The following PGM2 variants were observed in gnomAD, a reference collection of about 807,000 sequenced individuals.
PGM2 encodes the protein phosphopentomutase.
PGM2 carries 57 observed loss-of-function variants against 74.6 expected under a neutral mutation model. The observed-to-expected ratio is 0.76, with a 90% CI of 0.62 to 0.95. The LOEUF (loss-of-function observed/expected upper bound fraction) is 0.95, where lower values mean the gene tolerates loss of function less well. Ranked by LOEUF, PGM2 falls within the 40% of genes least tolerant of loss-of-function variation. The pLI, the probability that PGM2 is intolerant of heterozygous loss-of-function variation, is 0.00. For missense variants in PGM2, 706 were observed against 741.9 expected (o/e 0.95, Z 0.56); for synonymous variants, 273 against 260.7 (o/e 1.05, Z -0.46).
chr4:37,835,120 G>A (rs1725532749), intron 3 of PGM2, among the ~76,000 whole-genome samples: 1 of 152,142 alleles, frequency 6.6e-6, no homozygotes, highest in African/African-American at 2.4e-5. Context: ...TGTAGCTGAA[G>A]GCATATGATG....
intron 3 of PGM2, among the ~76,000 whole-genome samples, chr4:37,836,566 C>G (rs944385852): frequency 1.3e-5 from 2 of 152,184 alleles, no homozygotes; most frequent in African/African-American, 4.8e-5. Flanking sequence ...TGGCGATCTG[C>G]TCTTTGTGCC....
intron 12 of PGM2, among the ~76,000 whole-genome samples, chr4:37,850,653 T>A (rs925556232): frequency 6.6e-6 from 1 of 151,650 alleles, no homozygotes; most frequent in Non-Finnish European, 1.5e-5. Flanking sequence ...AATACAAAAA[T>A]TAGCTGGGCG....
intron 1 of PGM2, among the ~76,000 whole-genome samples, chr4:37,827,960 G>A (rs1368755383): frequency 6.6e-6 from 1 of 152,134 alleles, no homozygotes; most frequent in Non-Finnish European, 1.5e-5. Flanking sequence ...GTAGTGCCTG[G>A]CATAGGCATA....
chr4:37,852,188 C>T (rs1726061443), intron 12 of PGM2, among the ~76,000 whole-genome samples: 1 of 145,950 alleles, frequency 6.9e-6, no homozygotes, highest in South Asian at 2.2e-4. Context: ...CTAGGTTTCC[C>T]AGGCAGGTCT....
Position 37,862,237 on chromosome 4 carries a change from G to A in PGM2, c.*625G>A, listed in dbSNP as rs1316399905. 1.3e-5 allele frequency: 2 copies of A among 152,018 alleles called. No individual in the cohort carries two copies. Among genetic ancestry groups the A allele is most frequent in the African/African-American group, 4.8e-5 (2 of 41,402 alleles). The allele number at this position is 152,018 out of a possible 1,614,324, so 9.4% of individuals were successfully genotyped here. ...ATATTAGTACATCGTACACGTGCTAGGAAAAAACAGCTTCAGTGTCTTTGT... is the reference window on the plus strand; with the variant it reads ...ATATTAGTACATCGTACACGTGCTAAGAAAAAACAGCTTCAGTGTCTTTGT... On this transcript the variant is annotated 3_prime_UTR_variant, in exon 14 of 14. Coordinates refer to ENST00000381967, the MANE Select transcript of PGM2 (RefSeq NM_018290.4).
intron 1 of PGM2, among the ~76,000 whole-genome samples, chr4:37,829,669 G>C (rs568244467): frequency 6.6e-6 from 1 of 152,274 alleles, no homozygotes; most frequent in African/African-American, 2.4e-5. Flanking sequence ...CAAGCACCTA[G>C]AGTTGGCAAG....
intron 2 of PGM2, among the ~76,000 whole-genome samples, chr4:37,832,467 G>A (rs1725464874): frequency 6.6e-6 from 1 of 152,126 alleles, no homozygotes; most frequent in Admixed American, 6.6e-5. Context: ...TCATTCTGAG[G>A]TACCCCAAAG....
chr4:37,850,087 C>A (rs1158661170), intron 11 of PGM2, 97 bp from the exon 12 acceptor site: 1 of 690,870 alleles, frequency 1.4e-6, no homozygotes, highest in Admixed American at 3.6e-5. Context: ...CACACCCAGC[C>A]ATATTTATTT....
chr4:37,843,208 T>G (rs919444465), intron 6 of PGM2, among the ~76,000 whole-genome samples: 3 of 152,248 alleles, frequency 2.0e-5, no homozygotes, highest in Non-Finnish European at 4.4e-5. Flanking sequence ...CTCTATTCTG[T>G]TCCTTTAATC....
chr4:37,852,133 CTTTTTTTTT>C (rs778968323), intron 12 of PGM2, among the ~76,000 whole-genome samples: 11 of 47,272 alleles, frequency 2.3e-4, no homozygotes, highest in African/African-American at 8.1e-4. Context: ...ATGCCCAGCT[CTTTTTTTTT>C]TTTTTTTTTT....
chr4:37,830,069 C>A lies in PGM2; in HGVS notation c.187C>A (p.Arg63=). The A allele has an allele frequency of 6.2e-7, 1 of 1,607,586 alleles. No homozygotes were observed. Among genetic ancestry groups the A allele is most frequent in the South Asian group, 1.1e-5 (1 of 90,190 alleles). The change falls in exon 2 of 14, where the codon CGA becomes AGA. Residue 63 remains arginine, a synonymous_variant. Coordinates refer to ENST00000381967, the MANE Select transcript of PGM2 (RefSeq NM_018290.4). ...ARMEFGTAGL[R]AAMGPGISRM... Reference sequence around the variant, plus strand: ...AATGGAGTTTGGGACAGCTGGCCTCCGAGCTGCTATGGGACCTGGAATTTC... The same window carrying A: ...AATGGAGTTTGGGACAGCTGGCCTCAGAGCTGCTATGGGACCTGGAATTTC...
chr4:37,831,814 A>G (rs1288739552), intron 2 of PGM2, among the ~76,000 whole-genome samples: 2 of 152,182 alleles, frequency 1.3e-5, no homozygotes, highest in Non-Finnish European at 1.5e-5. Flanking sequence ...GCACATAGAT[A>G]CCCACTTCTC....
chr4:37,831,192 C>CAAAAAAAAAAAAA lies in PGM2; in HGVS notation c.249+1070_249+1082dup, dbSNP rs11432971. ...TGGGCAACAGAGCAAGACTCTGTCTCAAAAAAAAAAAAAAAAAAAAAGAAT... is the reference window on the plus strand; with the variant it reads ...TGGGCAACAGAGCAAGACTCTGTCTCAAAAAAAAAAAAAAAAAAAAAAAAAAAAAAAAAAGAAT... On this transcript the variant is annotated intron_variant, in intron 2 of 13. Coordinates refer to ENST00000381967, the MANE Select transcript of PGM2 (RefSeq NM_018290.4). Among the ~76,000 whole-genome samples, 7 of 74,070 alleles carry CAAAAAAAAAAAAA rather than the reference C, an allele frequency of 9.5e-5. 1 individual carries two copies. Among genetic ancestry groups the CAAAAAAAAAAAAA allele is most frequent in the Non-Finnish European group, 1.7e-4 (7 of 40,986 alleles). The allele number at this position is 74,070 out of a possible 152,430, so 48.6% of individuals were successfully genotyped here. A position where few individuals can be genotyped will look rare whatever the true frequency, so the allele number is the denominator to read the frequency against.
Position 37,861,493 on chromosome 4 carries a change from T to TC in PGM2, c.1737-12dup. On this transcript the variant is annotated splice_polypyrimidine_tract_variant and intron_variant, in intron 13 of 13. Coordinates refer to ENST00000381967, the MANE Select transcript of PGM2 (RefSeq NM_018290.4). ...AATAATCCCTTGACCTGGATTTTTTTCCCCCTTATTTTCCAGTGATCCTGA... is the reference window on the plus strand; with the variant it reads ...AATAATCCCTTGACCTGGATTTTTTTCCCCCCTTATTTTCCAGTGATCCTGA... 2 of 1,553,654 alleles carry TC rather than the reference T, an allele frequency of 1.3e-6. No individual in the cohort carries two copies. Among genetic ancestry groups the TC allele is most frequent in the South Asian group, 1.1e-5 (1 of 89,760 alleles).
rs1249490278 is a variant in PGM2, at chr4:37,844,494, C to T, written c.850C>T (p.Pro284Ser). 6.2e-7 allele frequency: 1 copy of T among 1,613,836 alleles called. No individual in the cohort carries two copies. The highest frequency in any genetic ancestry group is 8.5e-7 in the Non-Finnish European group (1 of 1,179,758). Reference sequence around the variant, plus strand: ...TGAGGCTGTTCCTGAACAGAAAGATCCGGATCCTGAGTTTCCAACAGTGAA... The same window carrying T: ...TGAGGCTGTTCCTGAACAGAAAGATTCGGATCCTGAGTTTCCAACAGTGAA... ...PPEAVPEQKD[P>S]DPEFPTVKYP... Residue 284 changes from proline (P) to serine (S), a missense_variant, in exon 7 of 14, where the codon CCG (proline) becomes TCG (serine). By Grantham distance (74) the Pro-to-Ser change is moderately conservative (BLOSUM62 -1). This residue lies in a region of PGM2 where 15 missense variants were observed against 35.8 expected (regional missense o/e 0.42). Coordinates refer to ENST00000381967, the MANE Select transcript of PGM2 (RefSeq NM_018290.4).
At chr4:37,834,768 T>C in intron 3 of PGM2, 44 bp downstream of exon 3, 1 of 976,648 alleles carries the variant, frequency 1.0e-6, no homozygotes, top group Non-Finnish European at 1.6e-6. Context: ...TAATTTATTT[T>C]GCAGTTTTAT....
intron 10 of PGM2, among the ~76,000 whole-genome samples, chr4:37,847,795 C>T (rs1447927056): frequency 2.0e-5 from 3 of 152,160 alleles, no homozygotes; most frequent in Non-Finnish European, 2.9e-5. Context: ...CCTAAACTGT[C>T]AATATAAATG....
chr4:37,856,524 A>G (rs1726203843), intron 13 of PGM2, among the ~76,000 whole-genome samples: 3 of 152,136 alleles, frequency 2.0e-5, no homozygotes, highest in African/African-American at 7.2e-5. Context: ...CTTGCTGCCA[A>G]AGAACTGATG....
intron 13 of PGM2, among the ~76,000 whole-genome samples, chr4:37,859,404 C>T (rs573586255): frequency 3.3e-5 from 5 of 152,216 alleles, no homozygotes; most frequent in South Asian, 4.1e-4. Flanking sequence ...GGGGCCAGCT[C>T]GGCAAGTCTG....
Sources: gnomAD v4.1 joint callset for allele counts (sites outside exome capture counted in the v4.1 genomes callset) on GRCh38, gnomAD v4.1.1 for gene constraint, gnomAD v4.1.1 regional missense constraint, MANE v1.5 for transcripts, NCBI Gene and HGNC (gene_info 2026-07-23, HGNC 2026-07-21) for gene names.